The following CPAMD8 variants were observed in gnomAD, a reference collection of about 807,000 sequenced individuals.
The protein encoded by CPAMD8 is C3 and PZP like alpha-2-macroglobulin domain containing 8.
CPAMD8 carries 146 observed loss-of-function variants against 224.7 expected under a neutral mutation model. The ratio of observed to expected loss-of-function variants is 0.65; its 90% CI spans 0.57 to 0.75. The LOEUF (loss-of-function observed/expected upper bound fraction) is 0.75, where lower values mean the gene tolerates loss of function less well. Among genes scored for constraint, CPAMD8 ranks in the 30% least tolerant of loss-of-function variants. The pLI, the probability that CPAMD8 is intolerant of heterozygous loss-of-function variation, is 0.00. For synonymous variants in CPAMD8, 966 were observed against 1,044.6 expected (o/e 0.92, Z 1.45); for missense variants, 2,301 against 2,537.5 (o/e 0.91, Z 2.00).
chr19:16,942,043 A>G (rs1228894960), intron 22 of CPAMD8, among the ~76,000 whole-genome samples: 1 of 152,064 alleles, frequency 6.6e-6, no homozygotes, highest in Non-Finnish European at 1.5e-5. Flanking sequence ...TGCTCCAGCC[A>G]TGTAAGACAC....
chr19:16,908,855 G>A (rs992252593), intron 29 of CPAMD8, among the ~76,000 whole-genome samples: 7 of 152,142 alleles, frequency 4.6e-5, no homozygotes, highest in African/African-American at 1.7e-4. Context: ...CTGGGGGTGG[G>A]GGAAGGTTGG....
At chr19:17,004,152 C>T (rs929698494) in intron 8 of CPAMD8, 121 bp downstream of exon 8, 1 of 602,376 alleles carries the variant, frequency 1.7e-6, no homozygotes, top group Middle Eastern at 5.0e-4. Flanking sequence ...GTGATCCGCC[C>T]ACCTGGGCCT....
At chr19:17,018,201 T>G (rs1213633686) in intron 3 of CPAMD8, among the ~76,000 whole-genome samples, 1 of 152,146 alleles carries the variant, frequency 6.6e-6, no homozygotes, top group Non-Finnish European at 1.5e-5. Context: ...TAGACTCCTT[T>G]GAGCATGTGG....
At chr19:16,991,701 A>G (rs1166059636) in intron 12 of CPAMD8, among the ~76,000 whole-genome samples, 1 of 151,980 alleles carries the variant, frequency 6.6e-6, no homozygotes, top group Non-Finnish European at 1.5e-5. Context: ...CTAGAAATAC[A>G]AAAATTAGCT....
intron 3 of CPAMD8, among the ~76,000 whole-genome samples, chr19:17,017,707 C>T (rs1034181736): frequency 6.6e-6 from 1 of 152,190 alleles, no homozygotes; most frequent in Non-Finnish European, 1.5e-5. Flanking sequence ...GTGAGAACTG[C>T]TGCCTTAGAG....
chr19:17,022,136 C>T lies in CPAMD8; in HGVS notation c.138G>A (p.Glu46=), dbSNP rs775461981. The T allele has an allele frequency of 2.5e-6, 4 of 1,609,214 alleles. No individual in the cohort carries two copies. The highest frequency in any genetic ancestry group is 1.7e-5 in the Admixed American group (1 of 59,564). Residue 46 remains glutamate (E), a synonymous_variant, in exon 2 of 42, where the codon GAG becomes GAA. Transcript: ENST00000443236. ...TAAAGATGGTCACGCTGATGACTTCCTCCACGCCCGCGCGAAAAACAGAGG... is the reference window on the plus strand; with the variant it reads ...TAAAGATGGTCACGCTGATGACTTCTTCCACGCCCGCGCGAAAAACAGAGG... ...AAPSVFRAGV[E]EVISVTIFNS...
rs377372295 is a variant in CPAMD8, at chr19:17,020,209, G to C, written c.267+122C>G. 2.4e-4 allele frequency: 178 copies of C among 740,678 alleles called. No individual in the cohort carries two copies. In the African/African-American group the frequency reaches 2.7e-3, roughly 11 times the overall value. 45.9% of individuals were successfully genotyped at this position (740,678 alleles called of 1,614,324 possible). A position where few individuals can be genotyped will look rare whatever the true frequency, so the allele number is the denominator to read the frequency against. ...GGCTGATCTCGAACTCCTGACCTCA[G>C]GTGATCCACCCACCTCGGCCTTCCA... On this transcript the variant is annotated intron_variant, in intron 3 of 41. Coordinates refer to ENST00000443236, the MANE Select transcript of CPAMD8 (RefSeq NM_015692.5).
At position 17,002,287 on chromosome 19, in the gene CPAMD8, T is replaced by G. The variant is rs1412800610; in HGVS notation, c.737A>C (p.Glu246Ala). ...PRYIQDLDAC[E>A]TGTVRARYTF... The stretch of plus-strand genomic sequence containing the variant: ...TCACCTGGCCCGCACAGTGCCTGTC[T>G]CACAGGCGTCCAGGTCTTGGATATA... The change falls in exon 9 of 42, where the codon GAG becomes GCG. Residue 246 changes from glutamate to alanine, a missense_variant. By Grantham distance (107) the Glu-to-Ala change is moderately radical. Around this residue, in one of 4 missense-constraint regions of CPAMD8, gnomAD observed 283 missense variants for 340.6 expected, o/e 0.83. Transcript: ENST00000443236. 5 of 1,601,216 alleles carry G rather than the reference T, an allele frequency of 3.1e-6. No individual in the cohort carries two copies. Among genetic ancestry groups the G allele is most frequent in the Admixed American group, 1.7e-5 (1 of 58,802 alleles).
At chr19:16,934,306 T>A (rs1344847362) in intron 23 of CPAMD8, among the ~76,000 whole-genome samples, 1 of 152,202 alleles carries the variant, frequency 6.6e-6, no homozygotes, top group East Asian at 1.9e-4. Flanking sequence ...ATTTAAAATG[T>A]GTGTAATTTA....
rs368338696 is a variant in CPAMD8 at position 16,977,437 on chromosome 19, G to T, written c.1689C>A (p.Tyr563Ter). The change falls in exon 15 of 42, where the codon TAC becomes TAA. Residue 563 changes from tyrosine to a stop codon, truncating the protein, a stop_gained. Coordinates refer to ENST00000443236, the MANE Select transcript of CPAMD8 (RefSeq NM_015692.5). LOFTEE classifies it high-confidence loss of function. ...MVPLGRLLVFYVRENGEGVAD... is the reference protein window; with the variant it reads ...MVPLGRLLVF ...CGACCCCTTCTCCATTCTCCCTGAC[G>T]TAGAAGACCAGCAGGCGACCAAGGG... The T allele has an allele frequency of 1.5e-4, 248 of 1,612,372 alleles. No homozygotes were observed. The highest frequency in any genetic ancestry group is 1.9e-4 in the Non-Finnish European group (226 of 1,178,998).
intron 27 of CPAMD8, among the ~76,000 whole-genome samples, chr19:16,919,783 G>A (rs3848660): frequency 0.5 from 75,575 of 152,080 alleles, 20,380 homozygotes; most frequent in Non-Finnish European, 0.6. Flanking sequence ...ATGAATGAAT[G>A]TGCGTTGAGT....
intron 21 of CPAMD8, among the ~76,000 whole-genome samples, chr19:16,946,425 TTG>T (rs140633335): frequency 8.7e-4 from 126 of 145,338 alleles, no homozygotes; most frequent in Non-Finnish European, 1.4e-3. Flanking sequence ...GTGTGTGGAT[TTG>T]TGTGTGTGAA....
intron 13 of CPAMD8, among the ~76,000 whole-genome samples, chr19:16,987,472 T>C (rs2122859661): frequency 6.6e-6 from 1 of 151,858 alleles, no homozygotes; most frequent in Non-Finnish European, 1.5e-5. Context: ...AGTCAAGATA[T>C]TTTCTCTTCT....
At position 16,899,433 on chromosome 19, in the gene CPAMD8, C is replaced by G. The variant is rs369606393; in HGVS notation, c.4848+42G>C. 4.2e-5 allele frequency: 38 copies of G among 895,298 alleles called. No individual in the cohort carries two copies. The Middle Eastern group carries it at 6.4e-4, about 15-fold the overall frequency. 55.5% of individuals were successfully genotyped at this position (895,298 alleles called of 1,614,324 possible). On this transcript the variant is annotated intron_variant, in intron 37 of 41. Coordinates refer to ENST00000443236, the MANE Select transcript of CPAMD8 (RefSeq NM_015692.5). This position sits in a 1 kb window ranked among gnomAD's most constrained non-coding sequence, Gnocchi z 5.4. ...TGACCGGTGCACCCTCACCAACATG[C>G]ACACCAGGGAAGCCTCCTCCACCAA...
intron 30 of CPAMD8, among the ~76,000 whole-genome samples, chr19:16,905,991 G>A (rs969949863): frequency 3.3e-5 from 5 of 151,852 alleles, no homozygotes; most frequent in Non-Finnish European, 7.4e-5. Context: ...ACCCTCCCCT[G>A]TCTCCCAGCA....
chr19:16,990,448 T>C (rs1488221919), intron 12 of CPAMD8, among the ~76,000 whole-genome samples: 5 of 151,816 alleles, frequency 3.3e-5, no homozygotes, highest in Non-Finnish European at 4.4e-5. Context: ...ACTCAGCTAC[T>C]AGGGGAGGCT....
At chr19:16,904,176 A>AGCCCCCCCCCCCCCCCCCCCCCCCCCCCC in intron 32 of CPAMD8, 50 bp downstream of exon 32, 3 of 937,340 alleles carry the variant, frequency 3.2e-6, no homozygotes, top group Non-Finnish European at 3.3e-6. Context: ...GACTGCAGGG[A>AGCCCCCCCCCCCCCCCCCCCCCCCCCCCC]CCCCACCCAC....
In CPAMD8 at chr19:16,998,457, C is replaced by T. The variant is rs145690275; in HGVS notation, c.868-1119G>A. Among the ~76,000 whole-genome samples, 75 of 152,138 alleles carry T rather than the reference C, an allele frequency of 4.9e-4. 2 individuals carry two copies. Among genetic ancestry groups the T allele is most frequent in the African/African-American group, 1.7e-3 (69 of 41,512 alleles). On this transcript the variant is annotated intron_variant, in intron 10 of 41. Coordinates refer to ENST00000443236, the MANE Select transcript of CPAMD8 (RefSeq NM_015692.5). ...CCTGGGAGACAGAGAGAGACTCCAT[C>T]TCAATAAATAAATTAATTAAATTAA...
intron 18 of CPAMD8, among the ~76,000 whole-genome samples, chr19:16,969,871 C>A (rs1190717540): frequency 4.1e-5 from 4 of 96,988 alleles, no homozygotes; most frequent in Non-Finnish European, 5.8e-5. Context: ...CAGGCTCCAT[C>A]TCAAAAAAAA....
Sources: gnomAD v4.1 joint callset for allele counts (sites outside exome capture counted in the v4.1 genomes callset) on GRCh38, gnomAD v4.1.1 for gene constraint, gnomAD v4.1.1 regional missense constraint, Gnocchi (gnomAD v3.1) non-coding constraint, MANE v1.5 for transcripts, NCBI Gene and HGNC (gene_info 2026-07-23, HGNC 2026-07-21) for gene names.